KIF26B: variants seen among roughly 807,000 people sequenced by gnomAD.
KIF26B encodes kinesin family member 26B, also known as kinesin-like protein KIF26B.
In KIF26B, 63 loss-of-function variants were observed where a neutral mutation model predicts 151.2. The observed-to-expected ratio is 0.42, with a 90% CI of 0.34 to 0.51. The LOEUF (loss-of-function observed/expected upper bound fraction) is 0.51. KIF26B is among the 20% of genes least tolerant of loss of function. KIF26B has a pLI of 0.07. For synonymous variants in KIF26B, 1,357 were observed against 1,262.1 expected, an observed-to-expected ratio of 1.08 and a Z score of -1.59; for missense variants, 2,813 against 2,913.6, an observed-to-expected ratio of 0.97 and a Z score of 0.79.
chr1:245,393,179 GA>G (rs879279339), intron 3 of KIF26B, among the ~76,000 whole-genome samples: 84 of 149,712 alleles, frequency 5.6e-4, no homozygotes, highest in Non-Finnish European at 8.6e-4. Flanking sequence ...TTAAAAGAAA[GA>G]AAAAAAAAAT....
chr1:245,297,623 AG>A (rs527342977), intron 2 of KIF26B, among the ~76,000 whole-genome samples: 81 of 152,362 alleles, frequency 5.3e-4, no homozygotes, highest in African/African-American at 1.8e-3. Context: ...ATGATTTTTT[AG>A]AAAATAATTG....
chr1:245,327,240 C>T (rs1672009577), intron 2 of KIF26B, among the ~76,000 whole-genome samples: 1 of 152,154 alleles, frequency 6.6e-6, no homozygotes, highest in South Asian at 2.1e-4. Flanking sequence ...CTGGTTAGGA[C>T]CATTACGATT....
At position 245,227,040 on chromosome 1, in the gene KIF26B, G is replaced by A. The variant is rs1240633393; in HGVS notation, c.465+70357G>A. 6.6e-6 allele frequency among the ~76,000 whole-genome samples: 1 copy of A among 152,162 alleles called. No individual in the cohort carries two copies. The highest frequency in any genetic ancestry group is 2.4e-5 in the African/African-American group (1 of 41,440). On this transcript the variant is annotated intron_variant, in intron 2 of 14. Coordinates refer to ENST00000407071, the MANE Select transcript of KIF26B (RefSeq NM_018012.4). The surrounding 1 kb of genome is among the most constrained non-coding windows in gnomAD (Gnocchi z 4.1). ...CAGCTTGTTTCGAATGACCCACAGG[G>A]AATGGTGCACCATTCACTCAGTCCA...
intron 2 of KIF26B, among the ~76,000 whole-genome samples, chr1:245,230,153 GC>G (rs1360625710): frequency 2.2e-5 from 1 of 44,566 alleles, no homozygotes; most frequent in East Asian, 6.1e-4. Flanking sequence ...AAAACAAAAA[GC>G]AAAAAAAAAA....
At chr1:245,178,463 T>C (rs114604538) in intron 2 of KIF26B, among the ~76,000 whole-genome samples, 1,943 of 152,296 alleles carry the variant, frequency 0.013, 19 homozygotes, top group Non-Finnish European at 0.02. Context: ...TCCTTTTTAA[T>C]TGTAGTAAAA....
chr1:245,427,587 A>T (rs1704418), intron 4 of KIF26B, among the ~76,000 whole-genome samples: 1 of 151,956 alleles, frequency 6.6e-6, no homozygotes, highest in Non-Finnish European at 1.5e-5. Context: ...CAGCCTGGAC[A>T]GCAAGGGTGA....
chr1:245,640,963 A>G (rs1189898615), intron 9 of KIF26B, among the ~76,000 whole-genome samples: 1 of 152,176 alleles, frequency 6.6e-6, no homozygotes, highest in Non-Finnish European at 1.5e-5. Flanking sequence ...ATTACAATAT[A>G]ACAATCACAT....
chr1:245,438,673 CA>C (rs112065896), intron 4 of KIF26B, among the ~76,000 whole-genome samples: 7 of 151,732 alleles, frequency 4.6e-5, no homozygotes, highest in East Asian at 1.9e-4. Flanking sequence ...AATGAATAGA[CA>C]AAAAAAACAT....
intron 2 of KIF26B, among the ~76,000 whole-genome samples, chr1:245,284,760 C>T (rs1039928562): frequency 2.6e-5 from 4 of 152,102 alleles, no homozygotes; most frequent in South Asian, 4.1e-4. Context: ...ATAATTTGGC[C>T]GGGCGCAGTG....
chr1:245,519,217 A>G (rs988134888), intron 4 of KIF26B, among the ~76,000 whole-genome samples: 1 of 152,208 alleles, frequency 6.6e-6, no homozygotes, highest in Admixed American at 6.5e-5. Context: ...GTTTTAGTTA[A>G]GAAGTTTGAG....
intron 2 of KIF26B, among the ~76,000 whole-genome samples, chr1:245,194,534 G>A (rs1047562753): frequency 4.6e-5 from 7 of 152,112 alleles, no homozygotes; most frequent in Non-Finnish European, 1.0e-4. Context: ...GTGCCACCAT[G>A]CCTGGCTAGT....
At chr1:245,410,127 CT>C (rs1371306952) in intron 3 of KIF26B, among the ~76,000 whole-genome samples, 3 of 152,200 alleles carry the variant, frequency 2.0e-5, no homozygotes, top group Non-Finnish European at 2.9e-5. Flanking sequence ...GGGCTTTCCC[CT>C]GCCCATCTCC....
rs200464279 is a variant in KIF26B, at chr1:245,304,873, TA to T, written c.466-61950del. ...TGACAGAACGAGACAGACCCATCTT[TA>T]AAAAAAAAAATGATTATGAGAGGTC... On this transcript the variant is annotated intron_variant, in intron 2 of 14. Coordinates refer to ENST00000407071, the MANE Select transcript of KIF26B (RefSeq NM_018012.4). Among the ~76,000 whole-genome samples, 272 of 147,566 alleles carry T rather than the reference TA, an allele frequency of 1.8e-3. 1 individual carries two copies. Among genetic ancestry groups the T allele is most frequent in the South Asian group, 7.3e-3 (34 of 4,648 alleles).
At chr1:245,414,877 G>C (rs1455851073) in intron 3 of KIF26B, among the ~76,000 whole-genome samples, 1 of 152,200 alleles carries the variant, frequency 6.6e-6, no homozygotes, top group African/African-American at 2.4e-5. Flanking sequence ...AAGTCTGTCT[G>C]GTGCTCAGGT....
At chr1:245,590,843 G>A (rs1250622149) in intron 5 of KIF26B, among the ~76,000 whole-genome samples, 3 of 151,436 alleles carry the variant, frequency 2.0e-5, no homozygotes, top group African/African-American at 4.9e-5. Context: ...GGGAGGCAGC[G>A]GTTGCAGTGA....
intron 2 of KIF26B, among the ~76,000 whole-genome samples, chr1:245,345,154 G>A (rs144389152): frequency 1.3e-5 from 2 of 152,250 alleles, no homozygotes; most frequent in Admixed American, 6.5e-5. Context: ...GGCCATAGGC[G>A]CAAGTGAGGA....
At chr1:245,221,826 G>A (rs10924124) in intron 2 of KIF26B, among the ~76,000 whole-genome samples, 149,872 of 152,378 alleles carry the variant, frequency 0.98, 73,725 homozygotes, top group East Asian at 1. Context: ...AATTTTAAAT[G>A]TGATTGTTTT....
At chr1:245,527,524 C>CTTGTTTTTTTTTT (rs1661263831) in intron 4 of KIF26B, among the ~76,000 whole-genome samples, 2 of 50,710 alleles carry the variant, frequency 3.9e-5, no homozygotes, top group Non-Finnish European at 6.4e-5. Flanking sequence ...TTTGGGATGG[C>CTTGTTTTTTTTTT]TTTTTTTTTT....
chr1:245,163,167 G>A (rs1668560602), intron 2 of KIF26B, among the ~76,000 whole-genome samples: 1 of 152,090 alleles, frequency 6.6e-6, no homozygotes, highest in Non-Finnish European at 1.5e-5. Flanking sequence ...CTTCTAGAAT[G>A]TTCTCACTCT....
Sources: allele counts gnomAD v4.1 joint callset (sites outside exome capture counted in the v4.1 genomes callset), GRCh38; gene constraint gnomAD v4.1.1; non-coding constraint Gnocchi (gnomAD v3.1); transcripts MANE v1.5; gene names NCBI Gene and HGNC (gene_info 2026-07-23, HGNC 2026-07-21).